Variants in CAPN13 observed in about 807,000 individuals in gnomAD.
The protein encoded by CAPN13 is calpain 13.
Under a neutral mutation model 98.4 loss-of-function variants are expected in CAPN13, and 90 were observed. That is an observed-to-expected ratio of 0.92 (90% CI 0.77 to 1.09). The LOEUF is 1.09. Among genes scored for constraint, CAPN13 ranks in the 50% least tolerant of loss-of-function variants. The pLI, the probability that CAPN13 is intolerant of heterozygous loss-of-function variation, is 0.00. For missense variants in CAPN13, 887 were observed against 841.3 expected (o/e 1.05, Z -0.67); for synonymous variants, 330 against 305.5 (o/e 1.08, Z -0.84).
At chr2:30,742,020 C>G in intron 14 of CAPN13, 56 bp from the exon 15 acceptor site, 1 of 1,507,054 alleles carries the variant, frequency 6.6e-7, no homozygotes, top group Non-Finnish European at 9.2e-7. Flanking sequence ...GGCCACCCAT[C>G]TGGTACAGCA....
chr2:30,745,894 ATTTTTTTTTT>A (rs57880021), intron 11 of CAPN13, among the ~76,000 whole-genome samples, 160 bp from the exon 12 acceptor site: 4 of 92,792 alleles, frequency 4.3e-5, no homozygotes, highest in South Asian at 3.9e-4. Flanking sequence ...GCCATAAAGC[ATTTTTTTTTT>A]TTTTTTTTTT....
chr2:30,787,764 G>A (rs143289944), intron 1 of CAPN13, among the ~76,000 whole-genome samples: 110 of 152,302 alleles, frequency 7.2e-4, no homozygotes, highest in African/African-American at 2.4e-3. Context: ...TGTGGGATGG[G>A]GGCAGAGAGG....
At chr2:30,732,905 T>C (rs138515027) in intron 19 of CAPN13, among the ~76,000 whole-genome samples, 1 of 152,330 alleles carries the variant, frequency 6.6e-6, no homozygotes, top group Non-Finnish European at 1.5e-5. Flanking sequence ...TCCTTGCTGA[T>C]GACCTTCACA....
At chr2:30,763,595 A>T (rs1393367662) in intron 6 of CAPN13, among the ~76,000 whole-genome samples, 3 of 152,262 alleles carry the variant, frequency 2.0e-5, no homozygotes, top group Non-Finnish European at 4.4e-5. Flanking sequence ...TTCAAGATGA[A>T]GGAAGCATCC....
chr2:30,730,821 T>C (rs377762647), intron 21 of CAPN13, 35 bp from the exon 22 acceptor site: 2 of 780,764 alleles, frequency 2.6e-6, no homozygotes, highest in Non-Finnish European at 4.8e-6. Context: ...AACAATTCTT[T>C]ACACTTGTTA....
chr2:30,735,068 T>C (rs1671290564), intron 18 of CAPN13, among the ~76,000 whole-genome samples: 1 of 152,202 alleles, frequency 6.6e-6, no homozygotes, highest in African/African-American at 2.4e-5. Context: ...ATAGAAAATA[T>C]TGAAAGCAGG....
chr2:30,747,428 C>A (rs1279153392), intron 11 of CAPN13, among the ~76,000 whole-genome samples: 1 of 152,180 alleles, frequency 6.6e-6, no homozygotes, highest in Admixed American at 6.5e-5. Context: ...TGTGTACAGA[C>A]CTCTTAGCCG....
rs76055998 is a variant in CAPN13, at chr2:30,741,994, G to C, written c.1480-30C>G. The C allele has an allele frequency of 1.2e-3, 1,959 of 1,604,270 alleles. 23 individuals are homozygous for C. The African/African-American group carries it at 0.024, about 19-fold the overall frequency. On this transcript the variant is annotated intron_variant, in intron 14 of 22. Coordinates refer to ENST00000295055, the MANE Select transcript of CAPN13 (RefSeq NM_144575.3). ...ATCAAAGGGAAAATAGTCAATGTTA[G>C]ACTTCTGGGGAAGGAGGCCACCCAT...
chr2:30,763,809 T>A (rs1464889234), intron 6 of CAPN13, among the ~76,000 whole-genome samples: 1 of 152,218 alleles, frequency 6.6e-6, no homozygotes, highest in South Asian at 2.1e-4. Flanking sequence ...AGCCCACTGG[T>A]TGCTTGGGAG....
At chr2:30,741,104 G>A (rs1332088986) in intron 15 of CAPN13, among the ~76,000 whole-genome samples, 1 of 152,178 alleles carries the variant, frequency 6.6e-6, no homozygotes. Context: ...CCAGATGGTG[G>A]ACCTGGATCC....
rs182611820 is a variant in CAPN13 at position 30,744,383 on chromosome 2, C to T, written c.1249-804G>A. 3.5e-4 allele frequency among the ~76,000 whole-genome samples: 54 copies of T among 152,318 alleles called. No homozygotes were observed. The East Asian group carries it at 6.9e-3, about 20-fold the overall frequency. ...GGGTATGGGAGGGTGGCATCTCCAA[C>T]GCGATTCTGCTGACATTAACAATAG... On this transcript the variant is annotated intron_variant, in intron 12 of 22. Coordinates refer to ENST00000295055, the MANE Select transcript of CAPN13 (RefSeq NM_144575.3).
In CAPN13 at chr2:30,758,050, C is replaced by T. The variant is rs1186668907; in HGVS notation, c.862G>A (p.Asp288Asn). 1 of 1,606,016 alleles carries T rather than the reference C, an allele frequency of 6.2e-7. No individual in the cohort carries two copies. Among genetic ancestry groups the T allele is most frequent in the Admixed American group, 1.7e-5 (1 of 58,354 alleles). ...GEAEWRGRWS[D>N]GSQEWEETCD... ...AGAGGTTTCCAGAAGCCATACCCAT[C>T]ACTCCAGCGCCCTCTCCATTCGGCC... The change falls in exon 8 of 23, where the codon GAT becomes AAT. Residue 288 changes from aspartate (D) to asparagine (N), a missense_variant. Physicochemically the swap from Asp to Asn is conservative, Grantham distance 23. Transcript: ENST00000295055.
intron 15 of CAPN13, 35 bp downstream of exon 15, chr2:30,741,873 T>A (rs778248178): frequency 6.2e-7 from 1 of 1,613,664 alleles, no homozygotes. Flanking sequence ...CTTTCTCCAA[T>A]CCCACGTAAG....
At chr2:30,784,053 GC>G (rs1674130796) in intron 2 of CAPN13, among the ~76,000 whole-genome samples, 1 of 152,088 alleles carries the variant, frequency 6.6e-6, no homozygotes, top group South Asian at 2.1e-4. Flanking sequence ...GGTGGCTCAT[GC>G]CTGTAATCCC....
At chr2:30,785,302 T>C (rs2148069440) in intron 2 of CAPN13, among the ~76,000 whole-genome samples, 1 of 152,318 alleles carries the variant, frequency 6.6e-6, no homozygotes, top group Non-Finnish European at 1.5e-5. Flanking sequence ...AACATCAGTT[T>C]TCTATAAAGT....
rs13418291 is a variant in CAPN13 at position 30,727,697 on chromosome 2, C to A, written c.*30+3033G>T. On this transcript the variant is annotated intron_variant, in intron 22 of 22. Coordinates refer to ENST00000295055, the MANE Select transcript of CAPN13 (RefSeq NM_144575.3). ...GTGGAGAAAATGGAATTCTCATTTGCAGCTGGTGGGAATGTAAAATGGTGT... is the reference window on the plus strand; with the variant it reads ...GTGGAGAAAATGGAATTCTCATTTGAAGCTGGTGGGAATGTAAAATGGTGT... 5.4e-3 allele frequency among the ~76,000 whole-genome samples: 825 copies of A among 152,276 alleles called. 6 individuals are homozygous for A. Among genetic ancestry groups the A allele is most frequent in the African/African-American group, 0.018 (766 of 41,546 alleles).
chr2:30,800,137 A>AAAGAAAGAAAGAAAGT (rs1675152892), intron 1 of CAPN13, among the ~76,000 whole-genome samples: 1 of 147,138 alleles, frequency 6.8e-6, no homozygotes, highest in African/African-American at 2.6e-5. Context: ...AGAAAGAAAG[A>AAAGAAAGAAAGAAAGT]AAGAAAGAAA....
chr2:30,734,695 C>T (rs937933432), intron 18 of CAPN13, among the ~76,000 whole-genome samples, 171 bp from the exon 19 acceptor site: 3 of 152,160 alleles, frequency 2.0e-5, no homozygotes, highest in Admixed American at 6.5e-5. Context: ...CCTGGCTGCC[C>T]GCTGAGGGGC....
chr2:30,752,924 A>G (rs1672251168), intron 10 of CAPN13, 129 bp downstream of exon 10: 1 of 1,028,072 alleles, frequency 9.7e-7, no homozygotes, highest in Non-Finnish European at 1.4e-6. Flanking sequence ...CATGCTGACA[A>G]ACTCCCCTCC....
Sources: gnomAD v4.1 joint callset for allele counts (sites outside exome capture counted in the v4.1 genomes callset) on GRCh38, gnomAD v4.1.1 for gene constraint, MANE v1.5 for transcripts, NCBI Gene and HGNC (gene_info 2026-07-23, HGNC 2026-07-21) for gene names.